The following TLN2 variants were observed in gnomAD, a reference collection of about 807,000 sequenced individuals.
TLN2 encodes talin-2.
Under a neutral mutation model 294.7 loss-of-function variants are expected in TLN2, and 118 were observed. The observed-to-expected ratio is 0.40, with a 90% confidence interval of 0.34 to 0.47. TLN2 has a LOEUF of 0.47. TLN2 is among the 20% of genes least tolerant of loss of function. The pLI is 0.84. For synonymous variants in TLN2, 1,431 were observed against 1,304.5 expected, an observed-to-expected ratio of 1.10 and a Z score of -2.09; for missense variants, 3,083 against 3,282.2, an observed-to-expected ratio of 0.94 and a Z score of 1.48.
intron 12 of TLN2, among the ~76,000 whole-genome samples, chr15:62,691,013 G>C (rs1174300930): frequency 7.3e-6 from 1 of 137,374 alleles, no homozygotes; most frequent in African/African-American, 2.7e-5. Context: ...GGAAAGAGAG[G>C]GGGAGGGAGA....
chr15:62,792,712 G>T lies in TLN2; in HGVS notation c.5808G>T (p.Gly1936=), dbSNP rs753603947. Residue 1936 remains glycine, a synonymous_variant, in exon 46 of 59, where the codon GGG becomes GGT. Coordinates refer to ENST00000636159, the MANE Select transcript of TLN2 (RefSeq NM_015059.3). ...GTATCTTCCTGGTGCAGAAGGCAGG[G>T]GCCCTCCAGGTCTGCCCCACAGACA... ...HGCIFLVQKA[G]ALQVCPTDSY... 4.2e-5 allele frequency: 68 copies of T among 1,613,946 alleles called. No individual in the cohort carries two copies. Among genetic ancestry groups the T allele is most frequent in the Non-Finnish European group, 5.8e-5 (68 of 1,180,058 alleles).
chr15:62,654,207 C>T (rs1016676115), intron 7 of TLN2, among the ~76,000 whole-genome samples: 4 of 152,212 alleles, frequency 2.6e-5, no homozygotes, highest in African/African-American at 9.7e-5. Context: ...AGCTGTACAG[C>T]ATTTCATACA....
rs770918723 is a variant in TLN2 at position 62,783,722 on chromosome 15, TGTGTG to T, written c.5617-48_5617-44del. On this transcript the variant is annotated intron_variant, in intron 44 of 58. Transcript: ENST00000636159. The stretch of plus-strand genomic sequence containing the variant: ...CACATGGTTCTCATGCGTTTCTCTC[TGTGTG>T]TGTGTGTGTGTGTGTGTGTGTCTTG... 0.024 allele frequency: 14 copies of T among 572 alleles called. No homozygotes were observed. In the South Asian group the frequency reaches 0.32, roughly 13 times the overall value. 0.0% of individuals were successfully genotyped at this position (572 alleles called of 1,614,324 possible). A position where few individuals can be genotyped will look rare whatever the true frequency, so the allele number is the denominator to read the frequency against.
chr15:62,774,092 G>A (rs746435036), intron 42 of TLN2, among the ~76,000 whole-genome samples: 3 of 151,940 alleles, frequency 2.0e-5, no homozygotes, highest in East Asian at 1.9e-4. Flanking sequence ...CAGCAGAAAC[G>A]CAGCCCTCTC....
intron 30 of TLN2, among the ~76,000 whole-genome samples, chr15:62,738,569 C>T (rs774677825): frequency 1.4e-4 from 22 of 152,170 alleles, no homozygotes; most frequent in Non-Finnish European, 2.9e-4. Context: ...CTCGGATCGT[C>T]CCGGTGAGAC....
chr15:62,722,791 G>A (rs536878678), intron 26 of TLN2, among the ~76,000 whole-genome samples: 2 of 152,190 alleles, frequency 1.3e-5, no homozygotes, highest in Non-Finnish European at 2.9e-5. Flanking sequence ...ACAAGTCTTA[G>A]GGGAGAATGG....
chr15:62,569,139 T>C (rs549377980), intron 1 of TLN2, among the ~76,000 whole-genome samples: 3 of 152,342 alleles, frequency 2.0e-5, no homozygotes, highest in Admixed American at 1.3e-4. Flanking sequence ...TTGTGTTTTT[T>C]CTCTGTCTCT....
At chr15:62,394,199 G>T (rs976424482) in intron 1 of TLN2, among the ~76,000 whole-genome samples, 4 of 152,172 alleles carry the variant, frequency 2.6e-5, no homozygotes, top group African/African-American at 9.7e-5. Context: ...TTGCCTGTCT[G>T]TTTACCAGTC....
At chr15:62,532,026 T>G (rs1176849469) in intron 1 of TLN2, among the ~76,000 whole-genome samples, 1 of 150,094 alleles carries the variant, frequency 6.7e-6, no homozygotes, top group Non-Finnish European at 1.5e-5. Flanking sequence ...AATAATTATT[T>G]TTTTTACTTT....
intron 32 of TLN2, among the ~76,000 whole-genome samples, chr15:62,742,964 A>G (rs1052571457): frequency 1.3e-5 from 2 of 152,154 alleles, no homozygotes; most frequent in Non-Finnish European, 1.5e-5. Flanking sequence ...ATAGATTTTC[A>G]TCACAGGCCT....
chr15:62,769,247 G>A (rs534497067), intron 41 of TLN2, among the ~76,000 whole-genome samples: 1 of 152,328 alleles, frequency 6.6e-6, no homozygotes, highest in Non-Finnish European at 1.5e-5. Context: ...CCTCTGTCCC[G>A]ATGACCCTTC....
chr15:62,705,499 T>G (rs2059002441), intron 19 of TLN2, among the ~76,000 whole-genome samples: 1 of 152,190 alleles, frequency 6.6e-6, no homozygotes, highest in South Asian at 2.1e-4. Context: ...CTGACTGTAT[T>G]TTTTTGGACA....
chr15:62,446,900 A>G (rs2140313554), intron 1 of TLN2, among the ~76,000 whole-genome samples: 1 of 152,348 alleles, frequency 6.6e-6, no homozygotes, highest in South Asian at 2.1e-4. Flanking sequence ...CGGACAAGGC[A>G]TAATTAGTTG....
At chr15:62,702,357 G>A (rs2058768603) in intron 18 of TLN2, among the ~76,000 whole-genome samples, 157 bp downstream of exon 18, 1 of 152,198 alleles carries the variant, frequency 6.6e-6, no homozygotes, top group South Asian at 2.1e-4. Context: ...GGGTGCAGAA[G>A]CTCATCCACA....
chr15:62,751,772 C>T (rs549336896), intron 34 of TLN2, among the ~76,000 whole-genome samples: 119 of 152,364 alleles, frequency 7.8e-4, no homozygotes, highest in African/African-American at 2.9e-3. Flanking sequence ...ACTAAAATCT[C>T]TTTCAGCTGT....
intron 21 of TLN2, among the ~76,000 whole-genome samples, chr15:62,709,650 C>A (rs1364747293): frequency 6.6e-6 from 1 of 152,196 alleles, no homozygotes. Context: ...CTCCCCAAAC[C>A]CAGCTTACCA....
chr15:62,712,642 A>G (rs1178566324), intron 22 of TLN2, among the ~76,000 whole-genome samples: 1 of 152,244 alleles, frequency 6.6e-6, no homozygotes, highest in Admixed American at 6.5e-5. Flanking sequence ...TCTGATACAC[A>G]GCCCCCTGTG....
At position 62,780,649 on chromosome 15, in the gene TLN2, C is replaced by T. The variant is rs1405353220; in HGVS notation, c.5515-491C>T. Among the ~76,000 whole-genome samples the T allele has an allele frequency of 3.3e-5, 5 of 152,204 alleles. No individual in the cohort carries two copies. The South Asian group carries it at 1.0e-3, about 31-fold the overall frequency. On this transcript the variant is annotated intron_variant, in intron 43 of 58. Transcript: ENST00000636159. ...CCTAGTGCTTCTAATTCCTTCTATT[C>T]CCCGATTGTGCTCATAAAGAACGGT...
intron 12 of TLN2, among the ~76,000 whole-genome samples, chr15:62,689,643 G>A (rs963991591): frequency 6.6e-6 from 1 of 151,510 alleles, no homozygotes; most frequent in African/African-American, 2.4e-5. Context: ...GGATAATTTT[G>A]CCAGGTACAG....
Sources: allele counts gnomAD v4.1 joint callset (sites outside exome capture counted in the v4.1 genomes callset), GRCh38; gene constraint gnomAD v4.1.1; transcripts MANE v1.5; gene names NCBI Gene and HGNC (gene_info 2026-07-23, HGNC 2026-07-21).